Variants in DCC observed in about 807,000 individuals in gnomAD.
DCC encodes the protein DCC netrin 1 receptor.
In DCC, 58 loss-of-function variants were observed where a neutral mutation model predicts 172.5. The ratio of observed to expected loss-of-function variants is 0.34; its 90% CI spans 0.27 to 0.42. DCC has a LOEUF of 0.42. DCC is among the 10% of genes least tolerant of loss of function. DCC has a pLI of 1.00. For synonymous variants in DCC, 709 were observed against 644.5 expected, an observed-to-expected ratio of 1.10 and a Z score of -1.52; for missense variants, 1,740 against 1,791.0, an observed-to-expected ratio of 0.97 and a Z score of 0.51.
chr18:53,011,277 T>C (rs2041727364), intron 5 of DCC, among the ~76,000 whole-genome samples: 1 of 151,692 alleles, frequency 6.6e-6, no homozygotes, highest in Admixed American at 6.6e-5. Flanking sequence ...AATATTCTAT[T>C]TGGAAAAATA....
At chr18:52,482,226 T>C (rs1302891485) in intron 1 of DCC, among the ~76,000 whole-genome samples, 2 of 152,168 alleles carry the variant, frequency 1.3e-5, no homozygotes, top group African/African-American at 2.4e-5. Context: ...AGAACAATAC[T>C]CACTATTTAC....
chr18:52,511,976 G>A (rs1330095049), intron 1 of DCC, among the ~76,000 whole-genome samples: 1 of 152,124 alleles, frequency 6.6e-6, no homozygotes, highest in African/African-American at 2.4e-5. Context: ...TATATGATGT[G>A]TAAAGCCTGC....
chr18:53,205,045 G>T (rs752721378), intron 9 of DCC, among the ~76,000 whole-genome samples, 171 bp from the exon 10 acceptor site: 1 of 151,974 alleles, frequency 6.6e-6, no homozygotes, highest in Non-Finnish European at 1.5e-5. Context: ...AAAATGAAGC[G>T]ATTCTAAAGC....
chr18:53,454,114 A>G (rs1246459372), intron 23 of DCC, among the ~76,000 whole-genome samples: 1 of 152,230 alleles, frequency 6.6e-6, no homozygotes, highest in Non-Finnish European at 1.5e-5. Flanking sequence ...TTGGGAGGCC[A>G]AGACATGAGG....
At chr18:52,825,970 A>G (rs960886063) in intron 2 of DCC, among the ~76,000 whole-genome samples, 4 of 152,358 alleles carry the variant, frequency 2.6e-5, no homozygotes, top group South Asian at 4.1e-4. Context: ...CAGGAAATCC[A>G]TAAGCCAAAA....
chr18:52,901,858 A>G (rs537093884), intron 2 of DCC, among the ~76,000 whole-genome samples: 67 of 152,358 alleles, frequency 4.4e-4, no homozygotes, highest in African/African-American at 1.6e-3. Flanking sequence ...AAATACAGAA[A>G]ACATCCACAT....
intron 1 of DCC, among the ~76,000 whole-genome samples, chr18:52,701,070 G>A (rs1305841666): frequency 2.6e-5 from 4 of 152,100 alleles, no homozygotes; most frequent in Non-Finnish European, 5.9e-5. Context: ...AAATTTTCTG[G>A]TTAAGCAACA....
intron 22 of DCC, among the ~76,000 whole-genome samples, chr18:53,444,899 A>G (rs970311975): frequency 2.0e-5 from 3 of 152,156 alleles, no homozygotes; most frequent in African/African-American, 4.8e-5. Context: ...CATGAAGTCC[A>G]TAATCATGCT....
intron 2 of DCC, among the ~76,000 whole-genome samples, chr18:52,777,567 A>G (rs2037456856): frequency 6.6e-6 from 1 of 152,190 alleles, no homozygotes; most frequent in African/African-American, 2.4e-5. Context: ...GAAATAAGGT[A>G]ACATTTACAG....
At chr18:52,802,293 T>C (rs1290934309) in intron 2 of DCC, among the ~76,000 whole-genome samples, 1 of 152,026 alleles carries the variant, frequency 6.6e-6, no homozygotes, top group Non-Finnish European at 1.5e-5. Context: ...ATTGCCAGAG[T>C]AGCAATCTGG....
intron 12 of DCC, among the ~76,000 whole-genome samples, chr18:53,225,272 G>A (rs147124924): frequency 1.8e-4 from 28 of 152,226 alleles, no homozygotes; most frequent in African/African-American, 6.5e-4. Context: ...GTGAAGAGAT[G>A]GATAGTGCCT....
At chr18:52,768,388 G>T (rs1351592130) in intron 2 of DCC, among the ~76,000 whole-genome samples, 1 of 152,126 alleles carries the variant, frequency 6.6e-6, no homozygotes, top group Non-Finnish European at 1.5e-5. Flanking sequence ...CGCCAATGGG[G>T]GAAGAATCTA....
chr18:53,457,509 TGTTAA>T (rs1362040743), intron 23 of DCC, among the ~76,000 whole-genome samples: 1 of 152,184 alleles, frequency 6.6e-6, no homozygotes, highest in East Asian at 1.9e-4. Flanking sequence ...CAGATGCTGG[TGTTAA>T]GTTATTTAGC....
chr18:53,176,879 C>T (rs374665999), intron 8 of DCC, among the ~76,000 whole-genome samples: 28 of 151,202 alleles, frequency 1.9e-4, no homozygotes, highest in African/African-American at 4.6e-4. Context: ...CACATGCACA[C>T]GTATGTTTAT....
chr18:52,354,104 G>A (rs987220724), intron 1 of DCC, among the ~76,000 whole-genome samples: 2 of 152,204 alleles, frequency 1.3e-5, no homozygotes, highest in Admixed American at 6.5e-5. Flanking sequence ...AAGCATCATT[G>A]TTCTGGACTT....
chr18:53,024,233 A>T (rs546843204), intron 5 of DCC, among the ~76,000 whole-genome samples: 1 of 152,288 alleles, frequency 6.6e-6, no homozygotes, highest in East Asian at 1.9e-4. Flanking sequence ...TAGATGAAAG[A>T]TATGATATAA....
At position 52,742,342 on chromosome 18, in the gene DCC, G is replaced by A. The variant is rs943821034; in HGVS notation, c.92-9712G>A. ...CTTTCCCTCTTGATTTTCTTCTATA[G>A]CACTTAGTCTCTTCTGACATTGTAC... On this transcript the variant is annotated intron_variant, in intron 1 of 28. Coordinates refer to ENST00000442544, the MANE Select transcript of DCC (RefSeq NM_005215.4). Among the ~76,000 whole-genome samples the A allele has an allele frequency of 5.3e-5, 8 of 151,998 alleles. No homozygotes were observed. In the East Asian group the frequency reaches 1.5e-3, roughly 29 times the overall value.
intron 1 of DCC, among the ~76,000 whole-genome samples, chr18:52,417,063 G>A (rs1259997389): frequency 1.3e-5 from 2 of 152,084 alleles, no homozygotes; most frequent in Admixed American, 1.3e-4. Context: ...TTTAGGGCAG[G>A]CCTGGTGGTG....
At chr18:53,293,025 A>G (rs1014469786) in intron 12 of DCC, among the ~76,000 whole-genome samples, 1 of 152,174 alleles carries the variant, frequency 6.6e-6, no homozygotes, top group East Asian at 1.9e-4. Flanking sequence ...CTAAAATAAG[A>G]GCAAAACTTT....
Sources: gnomAD v4.1 joint callset for allele counts (sites outside exome capture counted in the v4.1 genomes callset) on GRCh38, gnomAD v4.1.1 for gene constraint, MANE v1.5 for transcripts, NCBI Gene and HGNC (gene_info 2026-07-23, HGNC 2026-07-21) for gene names.